Variants in ANGPT1 observed in about 807,000 individuals in gnomAD.
ANGPT1 encodes angiopoietin 1.
A neutral mutation model predicts 62.2 loss-of-function variants in ANGPT1; 17 were observed. The ratio of observed to expected loss-of-function variants is 0.27; its 90% confidence interval spans 0.19 to 0.41. ANGPT1 has a LOEUF of 0.41. Ranked by LOEUF, ANGPT1 falls within the 10% of genes least tolerant of loss-of-function variation. The pLI is 1.00. For missense variants in ANGPT1, 478 were observed against 594.9 expected, an observed-to-expected ratio of 0.80 and a Z score of 2.04; for synonymous variants, 199 against 198.9, an observed-to-expected ratio of 1.00 and a Z score of 0.00.
chr8:107,373,118 G>A (rs1816449255), intron 1 of ANGPT1, among the ~76,000 whole-genome samples: 1 of 152,098 alleles, frequency 6.6e-6, no homozygotes, highest in Non-Finnish European at 1.5e-5. Context: ...AAATTTACAA[G>A]GAGTTTATGC....
At chr8:107,416,241 C>T (rs942105484) in intron 1 of ANGPT1, among the ~76,000 whole-genome samples, 5 of 152,184 alleles carry the variant, frequency 3.3e-5, no homozygotes, top group African/African-American at 9.6e-5. Flanking sequence ...TCTGGAACTT[C>T]TCACCAACTG....
In ANGPT1 at chr8:107,497,316, C is replaced by T; in HGVS notation, c.243G>A (p.Gln81=). 6.2e-7 allele frequency: 1 copy of T among 1,614,200 alleles called. No homozygotes were observed. Among genetic ancestry groups the T allele is most frequent in the Non-Finnish European group, 8.5e-7 (1 of 1,180,020 alleles). Residue 81 remains glutamine, a synonymous_variant, in exon 1 of 9, where the codon CAG becomes CAA. Coordinates refer to ENST00000517746, the MANE Select transcript of ANGPT1 (RefSeq NM_001146.5). ...APHVEPDFSS[Q]KLQHLEHVME... is the part of the protein sequence containing the mutation. ...TCACATGTTCCAGATGTTGAAGTTT[C>T]TGGGAAGAGAAATCCGGTTCCACGT... is the stretch of plus-strand genomic sequence containing the variant.
At chr8:107,478,749 C>G (rs1812599933) in intron 1 of ANGPT1, among the ~76,000 whole-genome samples, 1 of 152,068 alleles carries the variant, frequency 6.6e-6, no homozygotes, top group Admixed American at 6.6e-5. Flanking sequence ...TGATCTTCCA[C>G]CCACCCCACA....
At chr8:107,309,265 A>T (rs1814792872) in intron 4 of ANGPT1, among the ~76,000 whole-genome samples, 1 of 152,226 alleles carries the variant, frequency 6.6e-6, no homozygotes, top group Non-Finnish European at 1.5e-5. Context: ...TATTTGTTCA[A>T]GGATAGTCCT....
intron 8 of ANGPT1, among the ~76,000 whole-genome samples, chr8:107,261,433 C>T (rs375986962): frequency 1.9e-4 from 29 of 152,158 alleles, no homozygotes; most frequent in African/African-American, 6.0e-4. Context: ...AAGCCGGGCA[C>T]GGTGGCTCAC....
intron 4 of ANGPT1, among the ~76,000 whole-genome samples, chr8:107,313,722 C>T (rs569330892): frequency 6.6e-6 from 1 of 151,976 alleles, no homozygotes; most frequent in African/African-American, 2.4e-5. Flanking sequence ...GGACTACAGG[C>T]GTGAGCCACC....
At chr8:107,295,153 G>A (rs909495638) in intron 5 of ANGPT1, 1 of 152,144 alleles carries the variant, frequency 6.6e-6, no homozygotes, top group South Asian at 2.1e-4. Flanking sequence ...CAGAGTGGAA[G>A]GGTCCAAGAT....
intron 1 of ANGPT1, among the ~76,000 whole-genome samples, chr8:107,408,514 AG>A (rs11297065): frequency 0.4 from 173 of 436 alleles, no homozygotes; most frequent in African/African-American, 0.46. Flanking sequence ...AGTAGGAGAT[AG>A]GGTTGGGAGG....
At chr8:107,336,971 A>C (rs1815583276) in intron 2 of ANGPT1, among the ~76,000 whole-genome samples, 1 of 152,200 alleles carries the variant, frequency 6.6e-6, no homozygotes, top group South Asian at 2.1e-4. Flanking sequence ...ACCTGGCAAA[A>C]AACAATTAGA....
At chr8:107,382,136 A>G (rs2130277685) in intron 1 of ANGPT1, among the ~76,000 whole-genome samples, 1 of 152,300 alleles carries the variant, frequency 6.6e-6, no homozygotes, top group South Asian at 2.1e-4. Context: ...TTCTGCACCA[A>G]TTTAATATTT....
chr8:107,436,564 T>G (rs1456923098), intron 1 of ANGPT1, among the ~76,000 whole-genome samples: 1 of 152,230 alleles, frequency 6.6e-6, no homozygotes, highest in Non-Finnish European at 1.5e-5. Flanking sequence ...TTCAGCAACC[T>G]TCTGCGGATC....
At chr8:107,280,239 C>G (rs1366007258) in intron 7 of ANGPT1, among the ~76,000 whole-genome samples, 1 of 151,108 alleles carries the variant, frequency 6.6e-6, no homozygotes, top group Non-Finnish European at 1.5e-5. Context: ...TCACTCTTGT[C>G]GCCCTGACTG....
intron 1 of ANGPT1, among the ~76,000 whole-genome samples, chr8:107,451,497 A>T (rs1194141588): frequency 6.6e-6 from 1 of 152,018 alleles, no homozygotes; most frequent in African/African-American, 2.4e-5. Context: ...TTCATTGTCA[A>T]CAGTGTTGTA....
chr8:107,269,883 A>G (rs1399339474), intron 7 of ANGPT1, among the ~76,000 whole-genome samples: 1 of 152,064 alleles, frequency 6.6e-6, no homozygotes, highest in Non-Finnish European at 1.5e-5. Flanking sequence ...TATTTTTTCA[A>G]TTAGCATATC....
At chr8:107,263,641 A>T (rs2130033941) in intron 8 of ANGPT1, among the ~76,000 whole-genome samples, 1 of 152,274 alleles carries the variant, frequency 6.6e-6, no homozygotes, top group African/African-American at 2.4e-5. Flanking sequence ...AAAAATATTT[A>T]AAATGTACAA....
At chr8:107,396,517 C>CTTTTTTTTTTTTTTT (rs10686360) in intron 1 of ANGPT1, among the ~76,000 whole-genome samples, 5 of 84,826 alleles carry the variant, frequency 5.9e-5, no homozygotes, top group Non-Finnish European at 8.6e-5. Context: ...TCTTTTCTCT[C>CTTTTTTTTTTTTTTT]TTTTTTTTTT....
At chr8:107,360,847 A>G (rs1278804818) in intron 1 of ANGPT1, among the ~76,000 whole-genome samples, 1 of 152,214 alleles carries the variant, frequency 6.6e-6, no homozygotes, top group Non-Finnish European at 1.5e-5. Context: ...TACTGAAAGA[A>G]TGATTGAATC....
At chr8:107,348,487 A>G (rs550264163) in intron 1 of ANGPT1, among the ~76,000 whole-genome samples, 236 of 152,274 alleles carry the variant, frequency 1.5e-3, no homozygotes, top group Middle Eastern at 0.01. Context: ...TTCTTGGCCA[A>G]TATAAGATAA....
intron 7 of ANGPT1, among the ~76,000 whole-genome samples, chr8:107,269,260 G>C (rs968142310): frequency 6.6e-6 from 1 of 151,598 alleles, no homozygotes; most frequent in Non-Finnish European, 1.5e-5. Flanking sequence ...ATTTGATACA[G>C]GTAAATTAAG....
Sources: gnomAD v4.1 joint callset for allele counts (sites outside exome capture counted in the v4.1 genomes callset) on GRCh38, gnomAD v4.1.1 for gene constraint, MANE v1.5 for transcripts, NCBI Gene and HGNC (gene_info 2026-07-23, HGNC 2026-07-21) for gene names.